The following MYO9B variants were observed in gnomAD, a reference collection of about 807,000 sequenced individuals.
MYO9B encodes myosin IXB.
In MYO9B, 71 loss-of-function variants were observed where a neutral mutation model predicts 229.5. The observed-to-expected ratio is 0.31, with a 90% CI of 0.26 to 0.38. The LOEUF is 0.38. Among genes scored for constraint, MYO9B ranks in the 10% least tolerant of loss-of-function variants. The pLI is 1.00. For synonymous variants in MYO9B, 1,185 were observed against 1,235.8 expected (o/e 0.96, Z 0.86); for missense variants, 2,255 against 2,920.5 (o/e 0.77, Z 5.25).
intron 2 of MYO9B, among the ~76,000 whole-genome samples, chr19:17,132,117 C>A (rs1184967915): frequency 6.6e-6 from 1 of 151,292 alleles, no homozygotes; most frequent in Non-Finnish European, 1.5e-5. Flanking sequence ...GATCTCCTGC[C>A]TTGGCCTCCC....
intron 2 of MYO9B, among the ~76,000 whole-genome samples, chr19:17,132,992 C>T (rs1005102495): frequency 2.6e-5 from 4 of 151,860 alleles, no homozygotes; most frequent in East Asian, 3.9e-4. Context: ...GAACTACAGG[C>T]GCCGCCACCA....
At chr19:17,110,387 G>A (rs1342397338) in intron 2 of MYO9B, among the ~76,000 whole-genome samples, 2 of 152,170 alleles carry the variant, frequency 1.3e-5, no homozygotes, top group African/African-American at 4.8e-5. Flanking sequence ...GCAGGCGCCC[G>A]TCGACAGCCC....
rs949760368 is a variant in MYO9B, at chr19:17,184,072, G to A, written c.2373+204G>A. On this transcript the variant is annotated intron_variant, in intron 16 of 39. Coordinates refer to ENST00000682292, the MANE Select transcript of MYO9B (RefSeq NM_004145.4). ...TCCCAGAAGCAGGGTCTGAGATGGG[G>A]TATTTGCACACACAGCGGCTTATGG... 34 of 594,912 alleles carry A rather than the reference G, an allele frequency of 5.7e-5. 1 individual carries two copies. In the South Asian group the frequency reaches 6.9e-4, roughly 12 times the overall value. 36.9% of individuals were successfully genotyped at this position (594,912 alleles called of 1,614,324 possible). A position where few individuals can be genotyped will look rare whatever the true frequency, so the allele number is the denominator to read the frequency against.
At chr19:17,175,041 C>A (rs1428208076) in intron 13 of MYO9B, among the ~76,000 whole-genome samples, 2 of 151,666 alleles carry the variant, frequency 1.3e-5, no homozygotes, top group Non-Finnish European at 2.9e-5. Flanking sequence ...CTTTAGGAGG[C>A]CAAGACAGCT....
intron 2 of MYO9B, among the ~76,000 whole-genome samples, chr19:17,131,895 C>T (rs563462555): frequency 6.0e-4 from 90 of 150,576 alleles, no homozygotes; most frequent in Admixed American, 1.6e-3. Flanking sequence ...GGGGGTGGGG[C>T]GGGGAACAGG....
chr19:17,087,039 G>C (rs2057589825), intron 1 of MYO9B, among the ~76,000 whole-genome samples: 2 of 152,154 alleles, frequency 1.3e-5, no homozygotes, highest in Admixed American at 1.3e-4. Context: ...TGGTGAGTGT[G>C]TTATCCGTCT....
At position 17,194,699 on chromosome 19, in the gene MYO9B, C is replaced by T. The variant is rs574927036; in HGVS notation, c.3272C>T (p.Ala1091Val). 1.5e-4 allele frequency: 237 copies of T among 1,612,822 alleles called. 6 individuals carry two copies. In the South Asian group the frequency reaches 2.5e-3, roughly 17 times the overall value. The change falls in exon 22 of 40, where the codon GCG becomes GTG. Residue 1091 changes from alanine (A) to valine (V), a missense_variant. Physicochemically the swap from Ala to Val is moderately conservative, Grantham distance 64. This residue lies in a region of MYO9B where 679 missense variants were observed against 770.2 expected (regional missense o/e 0.88). Coordinates refer to ENST00000682292, the MANE Select transcript of MYO9B (RefSeq NM_004145.4). ...GTAGCTGAGCAGGGGCCGGAGCCAG[C>T]GGAGGATGGCGGGCACCTGGCATCG... ...QQVAEQGPEP[A>V]EDGGHLASEP...
intron 1 of MYO9B, among the ~76,000 whole-genome samples, chr19:17,098,993 A>AG (rs1568659864): frequency 7.9e-6 from 1 of 126,988 alleles, no homozygotes; most frequent in Non-Finnish European, 1.7e-5. Flanking sequence ...AAAAAAAAAA[A>AG]GGGCTAGGTG....
intron 19 of MYO9B, among the ~76,000 whole-genome samples, 193 bp downstream of exon 19, chr19:17,188,238 G>A (rs1200870808): frequency 6.6e-6 from 1 of 151,988 alleles, no homozygotes; most frequent in Non-Finnish European, 1.5e-5. Context: ...AGACCAGCCT[G>A]ACCAACATGG....
chr19:17,210,828 C>T lies in MYO9B; in HGVS notation c.5910C>T (p.Ile1970=). ...AAAAGGAGATTCTCATTGAACGGAT[C>T]CAGTCCATCAAGGAGGAGAAGCAAG... The part of the protein sequence containing the change: ...DREKEILIER[I]QSIKEEKEDI... The change falls in exon 38 of 40, where the codon ATC becomes ATT. Residue 1970 remains isoleucine (I), a synonymous_variant. Coordinates refer to ENST00000682292, the MANE Select transcript of MYO9B (RefSeq NM_004145.4). The T allele has an allele frequency of 6.3e-7, 1 of 1,599,156 alleles. No homozygotes were observed.
chr19:17,175,596 G>T, intron 13 of MYO9B, 67 bp from the exon 14 acceptor site: 2 of 1,231,728 alleles, frequency 1.6e-6, no homozygotes, highest in South Asian at 1.4e-5. Context: ...TAAATAAAAT[G>T]GGTTAAAATA....
At position 17,206,376 on chromosome 19, in the gene MYO9B, G is replaced by A. The variant is rs770469218; in HGVS notation, c.5386G>A (p.Glu1796Lys). 1.9e-6 allele frequency: 3 copies of A among 1,609,838 alleles called. No individual in the cohort carries two copies. Among genetic ancestry groups the A allele is most frequent in the Admixed American group, 1.7e-5 (1 of 59,904 alleles). ...AQYGDFLRAVELPEKQEQLAA... is the reference protein window; with the variant it reads ...AQYGDFLRAVKLPEKQEQLAA... ...GTACGGCGACTTCCTCCGAGCCGTC[G>A]GTGAGCCCCATGGCGGTGCGGGTGG... The change falls in exon 33 of 40, where the codon GAG (glutamate) becomes AAG (lysine). Residue 1796 changes from glutamate to lysine, a missense_variant and splice_region_variant. Physicochemically the swap from Glu to Lys is moderately conservative, Grantham distance 56. Around this residue, in one of 7 missense-constraint regions of MYO9B, gnomAD observed 416 missense variants for 605.5 expected, o/e 0.69. Coordinates refer to ENST00000682292, the MANE Select transcript of MYO9B (RefSeq NM_004145.4).
In MYO9B at chr19:17,093,523, C is replaced by T. The variant is rs554796080; in HGVS notation, c.-58-8137C>T. On this transcript the variant is annotated intron_variant, in intron 1 of 39. Coordinates refer to ENST00000682292, the MANE Select transcript of MYO9B (RefSeq NM_004145.4). Reference sequence around the variant, plus strand: ...TACCATGTGGCACCTGGGAACCTGACGTACCTTTAGATTTCCGACCATCTC... The same window carrying T: ...TACCATGTGGCACCTGGGAACCTGATGTACCTTTAGATTTCCGACCATCTC... Among the ~76,000 whole-genome samples, 9 of 152,258 alleles carry T rather than the reference C, an allele frequency of 5.9e-5. No homozygotes were observed. In the South Asian group the frequency reaches 1.0e-3, roughly 18 times the overall value.
chr19:17,200,162 C>A, intron 24 of MYO9B, 131 bp from the exon 25 acceptor site: 9 of 1,181,854 alleles, frequency 7.6e-6, no homozygotes, highest in Non-Finnish European at 1.0e-5. Flanking sequence ...CATAAGCCAC[C>A]ATGCCAGGCC....
At chr19:17,109,561 C>T (rs964969313) in intron 2 of MYO9B, among the ~76,000 whole-genome samples, 2 of 152,144 alleles carry the variant, frequency 1.3e-5, no homozygotes, top group African/African-American at 4.8e-5. Flanking sequence ...GGCTGGGAGC[C>T]CTCAAACAGC....
rs541215896 is a variant in MYO9B, at chr19:17,093,039, A to G, written c.-58-8621A>G. On this transcript the variant is annotated intron_variant, in intron 1 of 39. Transcript: ENST00000682292. ...ACACATTCATGCATGTGTGATTAAGACATGTATCTTGGCCAGGCACTGTGG... is the reference window on the plus strand; with the variant it reads ...ACACATTCATGCATGTGTGATTAAGGCATGTATCTTGGCCAGGCACTGTGG... Among the ~76,000 whole-genome samples the G allele has an allele frequency of 6.6e-5, 10 of 152,308 alleles. No individual in the cohort carries two copies. In the South Asian group the frequency reaches 1.9e-3, roughly 28 times the overall value.
chr19:17,148,312 C>T (rs2072438357), intron 3 of MYO9B, among the ~76,000 whole-genome samples: 1 of 152,200 alleles, frequency 6.6e-6, no homozygotes, highest in Non-Finnish European at 1.5e-5. Flanking sequence ...TGGGCACCGC[C>T]CCCTTTCCAA....
intron 5 of MYO9B, 35 bp from the exon 6 acceptor site, chr19:17,154,280 G>C: frequency 1.3e-6 from 2 of 1,591,180 alleles, no homozygotes; most frequent in Non-Finnish European, 1.7e-6. Flanking sequence ...TGCCGGCCCA[G>C]GAATGCCCAG....
At chr19:17,174,417 G>A (rs895911381) in intron 13 of MYO9B, among the ~76,000 whole-genome samples, 6 of 151,960 alleles carry the variant, frequency 3.9e-5, no homozygotes, top group East Asian at 3.9e-4. Flanking sequence ...GCAGACGATC[G>A]CTTGAGGTCG....
Sources: gnomAD v4.1 joint callset for allele counts (sites outside exome capture counted in the v4.1 genomes callset) on GRCh38, gnomAD v4.1.1 for gene constraint, gnomAD v4.1.1 regional missense constraint, MANE v1.5 for transcripts, NCBI Gene and HGNC (gene_info 2026-07-23, HGNC 2026-07-21) for gene names.